Variants in PEX5L observed in about 807,000 individuals in gnomAD.
PEX5L encodes the protein PEX5-related protein.
PEX5L carries 30 observed loss-of-function variants against 84.0 expected under a neutral mutation model. The observed-to-expected ratio is 0.36, with a 90% CI of 0.27 to 0.48. The LOEUF (loss-of-function observed/expected upper bound fraction) is 0.48. PEX5L is among the 20% of genes least tolerant of loss of function. The pLI is 0.99. For missense variants in PEX5L, 533 were observed against 754.6 expected (o/e 0.71, Z 3.44); for synonymous variants, 270 against 283.1 (o/e 0.95, Z 0.46).
chr3:179,830,724 G>C (rs1479602911), intron 8 of PEX5L, among the ~76,000 whole-genome samples: 1 of 152,164 alleles, frequency 6.6e-6, no homozygotes, highest in Non-Finnish European at 1.5e-5. Flanking sequence ...CTAGGCATTT[G>C]ATCTAGCTTC....
At chr3:179,835,443 G>C (rs553057418) in intron 8 of PEX5L, among the ~76,000 whole-genome samples, 22 of 152,120 alleles carry the variant, frequency 1.4e-4, no homozygotes, top group Non-Finnish European at 2.1e-4. Flanking sequence ...AGTCGGTAAT[G>C]GTTGCTGCTA....
At chr3:179,946,901 T>A (rs1560852292) in intron 2 of PEX5L, among the ~76,000 whole-genome samples, 1 of 152,354 alleles carries the variant, frequency 6.6e-6, no homozygotes, top group East Asian at 1.9e-4. Context: ...TACATGGATT[T>A]TTTGCATTGA....
intron 4 of PEX5L, among the ~76,000 whole-genome samples, chr3:179,885,027 T>C (rs1040118242): frequency 3.3e-5 from 5 of 151,956 alleles, no homozygotes; most frequent in Non-Finnish European, 7.4e-5. Context: ...ATTAAAAATA[T>C]ATAATATTTT....
intron 7 of PEX5L, among the ~76,000 whole-genome samples, chr3:179,861,001 A>G (rs1268041746): frequency 6.6e-6 from 1 of 152,220 alleles, no homozygotes; most frequent in African/African-American, 2.4e-5. Flanking sequence ...TCAACAACGA[A>G]GCCCTAAGAA....
intron 2 of PEX5L, among the ~76,000 whole-genome samples, chr3:179,940,321 GAGAA>G (rs578007037): frequency 8.4e-4 from 128 of 152,126 alleles, no homozygotes; most frequent in African/African-American, 3.0e-3. Flanking sequence ...AAGCTGGGAA[GAGAA>G]AGAAAGAGGT....
At chr3:180,016,250 C>G (rs1162429384) in intron 1 of PEX5L, among the ~76,000 whole-genome samples, 1 of 152,140 alleles carries the variant, frequency 6.6e-6, no homozygotes, top group Non-Finnish European at 1.5e-5. Context: ...ATGATTATAT[C>G]ATAATACTTA....
chr3:179,883,116 C>T (rs754773215), intron 4 of PEX5L, among the ~76,000 whole-genome samples: 10 of 152,030 alleles, frequency 6.6e-5, no homozygotes, highest in South Asian at 2.1e-4. Flanking sequence ...TTACAATGAA[C>T]GTGAAAAGTG....
chr3:179,989,970 A>C (rs1371540889), intron 1 of PEX5L, among the ~76,000 whole-genome samples: 1 of 152,216 alleles, frequency 6.6e-6, no homozygotes, highest in Non-Finnish European at 1.5e-5. Flanking sequence ...ATTCACATGG[A>C]GGGCACTTAT....
At chr3:179,948,795 T>C (rs1321919405) in intron 2 of PEX5L, among the ~76,000 whole-genome samples, 1 of 152,236 alleles carries the variant, frequency 6.6e-6, no homozygotes, top group East Asian at 1.9e-4. Context: ...ACTTGTTTAT[T>C]AATCTGAAGC....
At position 179,885,098 on chromosome 3, in the gene PEX5L, T is replaced by TA. The variant is rs950808718; in HGVS notation, c.310+2574dup. ...ATCAAATAAGAGTCTTTCTTCAGGA[T>TA]AAAAATCTGTGTGAACCAGGTGCAC... On this transcript the variant is annotated intron_variant, in intron 4 of 14. Transcript: ENST00000467460. 3.3e-5 allele frequency among the ~76,000 whole-genome samples: 5 copies of TA among 152,154 alleles called. No individual in the cohort carries two copies. In the South Asian group the frequency reaches 1.0e-3, roughly 32 times the overall value.
intron 1 of PEX5L, among the ~76,000 whole-genome samples, chr3:180,013,899 T>G (rs1446553134): frequency 7.9e-5 from 12 of 152,220 alleles, no homozygotes; most frequent in Admixed American, 2.0e-4. Context: ...ACTTTCATAA[T>G]AAAAAATCAA....
chr3:179,871,382 C>T lies in PEX5L; in HGVS notation c.726+2945G>A, dbSNP rs113034890. 1.9e-4 allele frequency among the ~76,000 whole-genome samples: 29 copies of T among 152,218 alleles called. 1 individual carries two copies. The highest frequency in any genetic ancestry group is 6.0e-4 in the African/African-American group (25 of 41,540). On this transcript the variant is annotated intron_variant, in intron 7 of 14. Coordinates refer to ENST00000467460, the MANE Select transcript of PEX5L (RefSeq NM_016559.3). ...CCTCCCAGAATGCTGGGATTACATG[C>T]GTGAGCCACCACACCTGGCCCCATC...
intron 14 of PEX5L, among the ~76,000 whole-genome samples, chr3:179,806,163 A>G (rs1721226106): frequency 6.6e-6 from 1 of 152,078 alleles, no homozygotes; most frequent in South Asian, 2.1e-4. Flanking sequence ...TAAAATACAT[A>G]TACACAACAT....
chr3:179,891,565 T>A (rs1314937799), intron 3 of PEX5L, among the ~76,000 whole-genome samples: 3 of 152,180 alleles, frequency 2.0e-5, no homozygotes, highest in Non-Finnish European at 4.4e-5. Context: ...TATATTTATA[T>A]CCTTCACAAC....
At chr3:180,005,051 A>G (rs1788752008) in intron 1 of PEX5L, among the ~76,000 whole-genome samples, 1 of 152,088 alleles carries the variant, frequency 6.6e-6, no homozygotes, top group Non-Finnish European at 1.5e-5. Flanking sequence ...ACTTTCTATT[A>G]TTGTGTTAAT....
intron 7 of PEX5L, 70 bp from the exon 8 acceptor site, chr3:179,859,227 T>C: frequency 8.5e-7 from 1 of 1,170,222 alleles, no homozygotes. Context: ...TACAGGTGCT[T>C]TTCCTTTTCC....
intron 1 of PEX5L, among the ~76,000 whole-genome samples, chr3:180,023,163 A>T (rs1466980124): frequency 2.0e-5 from 3 of 152,172 alleles, no homozygotes; most frequent in Non-Finnish European, 4.4e-5. Flanking sequence ...TTGATTTGAC[A>T]AGGAAGTCTG....
rs751151857 is a variant in PEX5L at position 179,798,390 on chromosome 3, T to C, written c.*3438A>G. The C allele has an allele frequency of 1.3e-5, 2 of 152,186 alleles. No homozygotes were observed. The highest frequency in any genetic ancestry group is 2.4e-5 in the African/African-American group (1 of 41,438). 9.4% of individuals were successfully genotyped at this position (152,186 alleles called of 1,614,324 possible). On this transcript the variant is annotated 3_prime_UTR_variant, in exon 15 of 15. Transcript: ENST00000467460. ...AAGTAAAGGGAATGAATCAGTATGATTGGCCCAGTGAGAGGGATTTTTATT... is the reference window on the plus strand; with the variant it reads ...AAGTAAAGGGAATGAATCAGTATGACTGGCCCAGTGAGAGGGATTTTTATT...
chr3:179,803,258 GAA>G (rs1719828971), intron 14 of PEX5L, among the ~76,000 whole-genome samples: 2 of 152,062 alleles, frequency 1.3e-5, no homozygotes, highest in East Asian at 1.9e-4. Context: ...TTGTGTTTTG[GAA>G]AATATTTTTT....
Sources: allele counts gnomAD v4.1 joint callset (sites outside exome capture counted in the v4.1 genomes callset), GRCh38; gene constraint gnomAD v4.1.1; transcripts MANE v1.5; gene names NCBI Gene and HGNC (gene_info 2026-07-23, HGNC 2026-07-21).